The following ZNF804B variants were observed in gnomAD, a reference collection of about 807,000 sequenced individuals.
ZNF804B encodes the protein zinc finger 804B.
In ZNF804B, 80 loss-of-function variants were observed where a neutral mutation model predicts 101.4. The observed-to-expected ratio is 0.79, with a 90% CI of 0.66 to 0.95. ZNF804B has a LOEUF of 0.95. ZNF804B is among the 40% of genes least tolerant of loss of function. The probability of loss-of-function intolerance (pLI) is 0.00; values close to 1 mark genes in which losing one functional copy is unlikely to be tolerated. For missense variants in ZNF804B, 1,673 were observed against 1,561.9 expected (o/e 1.07, Z -1.20); for synonymous variants, 622 against 558.8 (o/e 1.11, Z -1.59).
rs1034716153 is a variant in ZNF804B at position 88,875,337 on chromosome 7, CA to C, written c.108+115259del. Among the ~76,000 whole-genome samples, 747 of 151,816 alleles carry C rather than the reference CA, an allele frequency of 4.9e-3. 11 individuals are homozygous for C. The highest frequency in any genetic ancestry group is 0.017 in the African/African-American group (717 of 41,380). ...AGCAGAACTGAAGGAAATAGAGACA[CA>C]AAAAACCCTTCAAAAAATTCATGAA... On this transcript the variant is annotated intron_variant, in intron 1 of 3. Coordinates refer to ENST00000333190, the MANE Select transcript of ZNF804B (RefSeq NM_181646.5).
chr7:88,801,395 C>A (rs1396031050), intron 1 of ZNF804B, among the ~76,000 whole-genome samples: 1 of 151,914 alleles, frequency 6.6e-6, no homozygotes, highest in Non-Finnish European at 1.5e-5. Flanking sequence ...AATAGAGAAT[C>A]ATGAGAATTT....
chr7:88,984,910 A>G (rs906482986), intron 1 of ZNF804B, among the ~76,000 whole-genome samples: 14 of 152,026 alleles, frequency 9.2e-5, no homozygotes, highest in African/African-American at 3.4e-4. Context: ...CATGCAATAA[A>G]TGGTCTGCCT....
At chr7:88,886,692 C>A (rs1428604771) in intron 1 of ZNF804B, among the ~76,000 whole-genome samples, 1 of 151,124 alleles carries the variant, frequency 6.6e-6, no homozygotes, top group Non-Finnish European at 1.5e-5. Flanking sequence ...ATCGATTTCA[C>A]AATGACAAGA....
chr7:89,276,099 A>G (rs1396435272), intron 2 of ZNF804B, among the ~76,000 whole-genome samples: 1 of 151,892 alleles, frequency 6.6e-6, no homozygotes, highest in Non-Finnish European at 1.5e-5. Context: ...ATTTTCATGT[A>G]TAAGTGGGAG....
At chr7:88,941,820 A>G (rs954419262) in intron 1 of ZNF804B, among the ~76,000 whole-genome samples, 1 of 151,960 alleles carries the variant, frequency 6.6e-6, no homozygotes, top group Admixed American at 6.6e-5. Flanking sequence ...GAGAGGACCA[A>G]GATCTTTGAT....
At chr7:88,938,087 G>A (rs1792999627) in intron 1 of ZNF804B, among the ~76,000 whole-genome samples, 1 of 152,038 alleles carries the variant, frequency 6.6e-6, no homozygotes, top group African/African-American at 2.4e-5. Flanking sequence ...GGTCCAGAAA[G>A]GTGGGCCAAC....
intron 1 of ZNF804B, among the ~76,000 whole-genome samples, chr7:88,892,932 T>C (rs1253107803): frequency 6.6e-6 from 1 of 152,150 alleles, no homozygotes; most frequent in Non-Finnish European, 1.5e-5. Context: ...CAGAAGTTCT[T>C]AGAGGAAACT....
chr7:88,835,026 C>T (rs1274648256), intron 1 of ZNF804B, among the ~76,000 whole-genome samples: 2 of 151,738 alleles, frequency 1.3e-5, no homozygotes, highest in Non-Finnish European at 2.9e-5. Flanking sequence ...CAGAGGTCTC[C>T]TACGAACGGA....
chr7:88,879,767 G>A (rs1486318552), intron 1 of ZNF804B, among the ~76,000 whole-genome samples: 4 of 152,164 alleles, frequency 2.6e-5, no homozygotes, highest in Admixed American at 2.6e-4. Flanking sequence ...AGGCAGGCAT[G>A]GTGGCTCATG....
At chr7:88,856,880 G>A (rs747359410) in intron 1 of ZNF804B, among the ~76,000 whole-genome samples, 18 of 152,118 alleles carry the variant, frequency 1.2e-4, no homozygotes, top group East Asian at 3.9e-4. Flanking sequence ...GTTTTTTGTC[G>A]TTGGTTCTGT....
intron 1 of ZNF804B, among the ~76,000 whole-genome samples, chr7:89,164,496 G>A (rs568454517): frequency 6.6e-6 from 1 of 152,180 alleles, no homozygotes; most frequent in African/African-American, 2.4e-5. Context: ...CAGCTCACAG[G>A]GAGAAGAACT....
chr7:89,173,623 C>T (rs1024054548), intron 1 of ZNF804B, among the ~76,000 whole-genome samples: 9 of 152,110 alleles, frequency 5.9e-5, no homozygotes, highest in Middle Eastern at 3.4e-3. Flanking sequence ...AATATTGTCA[C>T]AGGCGGTCAT....
intron 1 of ZNF804B, among the ~76,000 whole-genome samples, chr7:89,204,647 T>A (rs943351184): frequency 5.9e-5 from 9 of 152,178 alleles, no homozygotes; most frequent in African/African-American, 2.2e-4. Context: ...AGTCTCATGT[T>A]TGTTATTCTG....
chr7:89,287,037 A>G (rs763432874), intron 2 of ZNF804B, among the ~76,000 whole-genome samples: 1 of 152,062 alleles, frequency 6.6e-6, no homozygotes, highest in Non-Finnish European at 1.5e-5. Context: ...GAAGATTTTT[A>G]TGGTGATCCA....
intron 1 of ZNF804B, among the ~76,000 whole-genome samples, chr7:89,087,989 A>C (rs201286978): frequency 1.3e-5 from 2 of 148,622 alleles, no homozygotes; most frequent in Non-Finnish European, 3.0e-5. Flanking sequence ...TATGTATATA[A>C]ATATATATAT....
At chr7:88,816,056 G>A (rs1286227294) in intron 1 of ZNF804B, among the ~76,000 whole-genome samples, 4 of 151,736 alleles carry the variant, frequency 2.6e-5, no homozygotes, top group South Asian at 2.1e-4. Context: ...CCCTCTTTTG[G>A]CAGGATATCC....
intron 1 of ZNF804B, among the ~76,000 whole-genome samples, chr7:88,859,337 A>AT (rs1189837612): frequency 2.0e-5 from 3 of 152,036 alleles, no homozygotes; most frequent in Admixed American, 2.0e-4. Context: ...GGATTAGGCC[A>AT]TTTTTTCATC....
At chr7:89,011,974 G>A (rs1788470897) in intron 1 of ZNF804B, among the ~76,000 whole-genome samples, 1 of 152,106 alleles carries the variant, frequency 6.6e-6, no homozygotes, top group Non-Finnish European at 1.5e-5. Flanking sequence ...TCTCAATGAG[G>A]GCTCTACCCC....
At chr7:88,803,579 G>A (rs1018786500) in intron 1 of ZNF804B, among the ~76,000 whole-genome samples, 2 of 152,146 alleles carry the variant, frequency 1.3e-5, no homozygotes, top group African/African-American at 4.8e-5. Flanking sequence ...AGGAATGCAA[G>A]GATTTAGAGA....
Sources: gnomAD v4.1 joint callset for allele counts (sites outside exome capture counted in the v4.1 genomes callset) on GRCh38, gnomAD v4.1.1 for gene constraint, MANE v1.5 for transcripts, NCBI Gene and HGNC (gene_info 2026-07-23, HGNC 2026-07-21) for gene names.